Variants in C17orf78 observed in about 807,000 individuals in gnomAD.
C17orf78 encodes the protein uncharacterized protein C17orf78.
C17orf78 carries 27 observed loss-of-function variants against 31.8 expected under a neutral mutation model. That is an observed-to-expected ratio of 0.85 (90% CI 0.63 to 1.17). The LOEUF (loss-of-function observed/expected upper bound fraction) is 1.17. C17orf78 is among the 50% of genes most tolerant of loss of function. C17orf78 has a pLI of 0.00. For missense variants in C17orf78, 258 were observed against 315.2 expected (o/e 0.82, Z 1.37); for synonymous variants, 106 against 115.1 (o/e 0.92, Z 0.51).
At chr17:37,388,899 A>C in intron 5 of C17orf78, 105 bp downstream of exon 5, 1 of 1,420,660 alleles carries the variant, frequency 7.0e-7, no homozygotes, top group Non-Finnish European at 9.6e-7. Context: ...TTGGAATTTG[A>C]GGAGATGTGC....
intron 6 of C17orf78, among the ~76,000 whole-genome samples, chr17:37,390,338 G>A (rs1250199243): frequency 6.4e-5 from 2 of 31,286 alleles, no homozygotes; most frequent in Non-Finnish European, 1.1e-4. Flanking sequence ...ATATATAAAA[G>A]GCCAGCTGGG....
intron 6 of C17orf78, among the ~76,000 whole-genome samples, chr17:37,391,342 C>T (rs746042583): frequency 6.6e-6 from 1 of 152,184 alleles, no homozygotes; most frequent in Admixed American, 6.5e-5. Flanking sequence ...TTTACTCATA[C>T]TTAAGTTGAG....
At position 37,389,225 on chromosome 17, in the gene C17orf78, C is replaced by A. The variant is rs777298912; in HGVS notation, c.634-21C>A. On this transcript the variant is annotated intron_variant, in intron 5 of 6. Coordinates refer to ENST00000615133, the MANE Select transcript of C17orf78 (RefSeq NM_173625.5). The stretch of plus-strand genomic sequence containing the variant: ...GCTTACCAGCCACTTCATATTAATA[C>A]CAGTCATTTTCTCCCTTCAGTATCA... 5.8e-6 allele frequency: 9 copies of A among 1,561,496 alleles called. No individual in the cohort carries two copies. The Admixed American group carries it at 1.8e-4, about 30-fold the overall frequency.
At chr17:37,381,696 C>G (rs1249915895) in intron 3 of C17orf78, among the ~76,000 whole-genome samples, 1 of 145,724 alleles carries the variant, frequency 6.9e-6, no homozygotes, top group Non-Finnish European at 1.5e-5. Context: ...GGTGCGATCT[C>G]AGCTCACTGC....
Position 37,381,562 on chromosome 17 carries a change from T to C in C17orf78, c.391+2180T>C, listed in dbSNP as rs72828233. ...ATACGTATATATTTACCCCATACTT[T>C]TTTATATTTGCCTCATTCTTTTTAA... On this transcript the variant is annotated intron_variant, in intron 3 of 6. Transcript: ENST00000615133. Among the ~76,000 whole-genome samples, 369 of 152,018 alleles carry C rather than the reference T, an allele frequency of 2.4e-3. 1 individual carries two copies. The highest frequency in any genetic ancestry group is 4.1e-3 in the Non-Finnish European group (282 of 68,016).
chr17:37,383,270 T>C (rs1282823744), intron 3 of C17orf78, among the ~76,000 whole-genome samples: 2 of 151,958 alleles, frequency 1.3e-5, no homozygotes. Flanking sequence ...CTCTTAGAAA[T>C]TGGGACAAGG....
At chr17:37,384,851 T>C (rs372449486) in intron 3 of C17orf78, among the ~76,000 whole-genome samples, 1 of 152,334 alleles carries the variant, frequency 6.6e-6, no homozygotes, top group South Asian at 2.1e-4. Context: ...TAAAGAACTA[T>C]CATTTTCTCA....
At position 37,377,859 on chromosome 17, in the gene C17orf78, C is replaced by A; in HGVS notation, c.59-20C>A. 1 of 1,596,890 alleles carries A rather than the reference C, an allele frequency of 6.3e-7. No individual in the cohort carries two copies. The highest frequency in any genetic ancestry group is 8.6e-7 in the Non-Finnish European group (1 of 1,166,262). ...CCAAACCTTCCCCGGTTCCCCTCCT[C>A]CCCCTCTGCTCACCCCCAGACCTCA... is the stretch of plus-strand genomic sequence containing the variant. On this transcript the variant is annotated intron_variant, in intron 1 of 6. Coordinates refer to ENST00000615133, the MANE Select transcript of C17orf78 (RefSeq NM_173625.5).
rs967382610 is a variant in C17orf78, at chr17:37,380,433, G to GA, written c.391+1061dup. ...TAAAACTTAAAGTATAATAATAAAA[G>GA]AAAAAAAAAAGAAAATGAATTATCC... On this transcript the variant is annotated intron_variant, in intron 3 of 6. Coordinates refer to ENST00000615133, the MANE Select transcript of C17orf78 (RefSeq NM_173625.5). Among the ~76,000 whole-genome samples the GA allele has an allele frequency of 6.0e-4, 88 of 146,090 alleles. No individual in the cohort carries two copies. In the Middle Eastern group the frequency reaches 0.01, roughly 17 times the overall value.
chr17:37,381,230 G>C (rs1369360058), intron 3 of C17orf78, among the ~76,000 whole-genome samples: 2 of 152,010 alleles, frequency 1.3e-5, no homozygotes, highest in African/African-American at 4.8e-5. Flanking sequence ...CTGTCACCCA[G>C]GCTGGAGCGC....
chr17:37,383,552 CTATT>C (rs1386999399), intron 3 of C17orf78, among the ~76,000 whole-genome samples: 1 of 152,002 alleles, frequency 6.6e-6, no homozygotes, highest in Non-Finnish European at 1.5e-5. Context: ...CCCAAAAAAC[CTATT>C]TATTTATTTG....
At position 37,389,279 on chromosome 17, in the gene C17orf78, T is replaced by G. The variant is rs368731173; in HGVS notation, c.667T>G (p.Cys223Gly). The G allele has an allele frequency of 1.9e-6, 3 of 1,596,736 alleles. No individual in the cohort carries two copies. Among genetic ancestry groups the G allele is most frequent in the Non-Finnish European group, 2.6e-6 (3 of 1,171,748 alleles). ...QCLGARKLCQ[C>G]QWLWRWQKKG... ...CCTAGGAGCCAGGAAGCTGTGCCAA[T>G]GCCAGTGGTTGTGGAGATGGCAAAA... Residue 223 changes from cysteine (C) to glycine (G), a missense_variant, in exon 6 of 7, where the codon TGC becomes GGC. Physicochemically the swap from Cys to Gly is radical, Grantham distance 159 (BLOSUM62 -3). Coordinates refer to ENST00000615133, the MANE Select transcript of C17orf78 (RefSeq NM_173625.5).
At chr17:37,390,330 A>AATATATATATC (rs1244676462) in intron 6 of C17orf78, among the ~76,000 whole-genome samples, 1 of 41,592 alleles carries the variant, frequency 2.4e-5, no homozygotes, top group Non-Finnish European at 3.7e-5. Flanking sequence ...ATATATATAT[A>AATATATATATC]TATAAAAGGC....
intron 6 of C17orf78, among the ~76,000 whole-genome samples, chr17:37,390,322 A>ATCTATATATCTATATATC (rs1555672346): frequency 5.3e-5 from 2 of 38,086 alleles, no homozygotes; most frequent in African/African-American, 1.2e-4. Context: ...ATATATATAT[A>ATCTATATATCTATATATC]TATATATATA....
At chr17:37,376,371 G>A (rs1196075797) in intron 1 of C17orf78, among the ~76,000 whole-genome samples, 2 of 152,208 alleles carry the variant, frequency 1.3e-5, no homozygotes, top group East Asian at 3.8e-4. Flanking sequence ...AGAATGTGAT[G>A]CATTCTTATG....
At position 37,379,256 on chromosome 17, in the gene C17orf78, A is replaced by G; in HGVS notation, c.265A>G (p.Lys89Glu). 1 of 1,614,030 alleles carries G rather than the reference A, an allele frequency of 6.2e-7. No individual in the cohort carries two copies. The highest frequency in any genetic ancestry group is 1.3e-5 in the African/African-American group (1 of 75,062). The change falls in exon 3 of 7, where the codon AAG becomes GAG. Residue 89 changes from lysine (K) to glutamate (E), a missense_variant. By Grantham distance (56) the Lys-to-Glu change is moderately conservative. Coordinates refer to ENST00000615133, the MANE Select transcript of C17orf78 (RefSeq NM_173625.5). Reference protein sequence around the residue: ...VNLVYLERRPKVKHILKNLRI... With the variant: ...VNLVYLERRPEVKHILKNLRI... ...CCTTGTATATTTGGAGAGAAGGCCA[A>G]AGGTCAAGCATATTTTGAAGAACCT...
intron 6 of C17orf78, 50 bp downstream of exon 6, chr17:37,389,412 AG>A (rs1391346469): frequency 3.6e-5 from 56 of 1,547,290 alleles, no homozygotes; most frequent in Non-Finnish European, 4.8e-5. Context: ...AAGGTGGGGT[AG>A]GGGCCGGGCG....
At chr17:37,383,742 C>T (rs1257572523) in intron 3 of C17orf78, among the ~76,000 whole-genome samples, 1 of 152,088 alleles carries the variant, frequency 6.6e-6, no homozygotes, top group African/African-American at 2.4e-5. Context: ...TAGGGTTTTG[C>T]CATTTTGGCC....
intron 6 of C17orf78, among the ~76,000 whole-genome samples, chr17:37,390,175 T>TATACAC (rs60788220): frequency 0.036 from 1,595 of 44,142 alleles, 57 homozygotes; most frequent in Non-Finnish European, 0.046. Flanking sequence ...TATATATATA[T>TATACAC]ACACACACAC....
Sources: gnomAD v4.1 joint callset for allele counts (sites outside exome capture counted in the v4.1 genomes callset) on GRCh38, gnomAD v4.1.1 for gene constraint, MANE v1.5 for transcripts, NCBI Gene and HGNC (gene_info 2026-07-23, HGNC 2026-07-21) for gene names.